ZNF407: variants seen among roughly 807,000 people sequenced by gnomAD.
ZNF407 encodes zinc finger protein 407.
In ZNF407, 17 loss-of-function variants were observed where a neutral mutation model predicts 131.2. That is an observed-to-expected ratio of 0.13 (90% confidence interval 0.09 to 0.19). The LOEUF (loss-of-function observed/expected upper bound fraction) is 0.19. ZNF407 is among the 10% of genes least tolerant of loss of function. The pLI is 1.00. For synonymous variants in ZNF407, 1,156 were observed against 1,062.0 expected (o/e 1.09, Z -1.72); for missense variants, 2,681 against 2,830.6 (o/e 0.95, Z 1.20).
intron 3 of ZNF407, among the ~76,000 whole-genome samples, chr18:74,656,811 C>T (rs935304948): frequency 1.6e-4 from 25 of 152,136 alleles, no homozygotes; most frequent in African/African-American, 5.8e-4. Context: ...GATTTTTATA[C>T]TTTGATATTT....
chr18:74,761,996 G>A (rs1042306867), intron 3 of ZNF407, among the ~76,000 whole-genome samples: 41 of 152,180 alleles, frequency 2.7e-4, no homozygotes, highest in East Asian at 5.8e-4. Flanking sequence ...AGTTATAGTC[G>A]TAGAAGGGAA....
At chr18:74,780,882 G>C (rs1245585702) in intron 3 of ZNF407, among the ~76,000 whole-genome samples, 1 of 151,894 alleles carries the variant, frequency 6.6e-6, no homozygotes, top group Admixed American at 6.5e-5. Context: ...CTTTTTGTTT[G>C]TTTTTGTTAT....
intron 3 of ZNF407, among the ~76,000 whole-genome samples, chr18:74,750,520 C>G (rs1220590530): frequency 1.3e-4 from 20 of 152,114 alleles, no homozygotes; most frequent in Admixed American, 1.3e-3. Context: ...TTTCATGATT[C>G]ATTCATGTCA....
intron 3 of ZNF407, among the ~76,000 whole-genome samples, chr18:74,664,476 C>T (rs927874135): frequency 1.4e-4 from 21 of 152,238 alleles, no homozygotes; most frequent in African/African-American, 4.1e-4. Flanking sequence ...GCCTGGGCGA[C>T]GGAGTGAGAC....
chr18:74,920,368 T>C, intron 7 of ZNF407, 146 bp from the exon 8 acceptor site: 2 of 573,032 alleles, frequency 3.5e-6, no homozygotes, highest in Non-Finnish European at 5.3e-6. Context: ...ATAAGGCTGA[T>C]GTATTATATA....
At chr18:74,977,623 A>T (rs1354184448) in intron 8 of ZNF407, among the ~76,000 whole-genome samples, 1 of 152,254 alleles carries the variant, frequency 6.6e-6, no homozygotes, top group Admixed American at 6.5e-5. Context: ...TAGATGTCTC[A>T]CATCTTGGCA....
intron 8 of ZNF407, among the ~76,000 whole-genome samples, chr18:75,032,213 T>C (rs1389533398): frequency 6.6e-6 from 1 of 152,326 alleles, no homozygotes; most frequent in East Asian, 1.9e-4. Context: ...ATGTGTCACC[T>C]GATGCACAAT....
intron 8 of ZNF407, among the ~76,000 whole-genome samples, chr18:75,043,748 C>G (rs1315600328): frequency 2.0e-5 from 3 of 152,198 alleles, no homozygotes; most frequent in Non-Finnish European, 2.9e-5. Flanking sequence ...CAAGTTGACC[C>G]TGTGGCTTTA....
intron 8 of ZNF407, among the ~76,000 whole-genome samples, chr18:74,988,327 T>G (rs966164451): frequency 6.6e-6 from 1 of 152,134 alleles, no homozygotes; most frequent in Admixed American, 6.5e-5. Flanking sequence ...GAGAAAATTT[T>G]TCTGACTTTG....
intron 8 of ZNF407, among the ~76,000 whole-genome samples, chr18:74,958,272 G>A (rs910804446): frequency 6.6e-6 from 1 of 152,166 alleles, no homozygotes; most frequent in African/African-American, 2.4e-5. Context: ...TACTGAGTGT[G>A]GGTTAGGGAT....
chr18:74,641,224 T>C (rs551284001), intron 3 of ZNF407, 102 bp downstream of exon 3: 1 of 811,398 alleles, frequency 1.2e-6, no homozygotes, highest in Admixed American at 2.0e-5. Context: ...GTGGCTAAAA[T>C]TATGCATGCG....
At chr18:74,976,468 T>C (rs1972530037) in intron 8 of ZNF407, among the ~76,000 whole-genome samples, 1 of 152,208 alleles carries the variant, frequency 6.6e-6, no homozygotes, top group South Asian at 2.1e-4. Flanking sequence ...TGTAATTCAA[T>C]AGAGCTGGGC....
chr18:74,706,421 T>C (rs1466917857), intron 3 of ZNF407, among the ~76,000 whole-genome samples: 1 of 152,248 alleles, frequency 6.6e-6, no homozygotes, highest in African/African-American at 2.4e-5. Context: ...GTGGGTGGGA[T>C]GATCCATGTT....
At chr18:74,710,131 TG>T (rs1472568514) in intron 3 of ZNF407, among the ~76,000 whole-genome samples, 1 of 152,230 alleles carries the variant, frequency 6.6e-6, no homozygotes, top group Non-Finnish European at 1.5e-5. Context: ...CGGTTTTGAA[TG>T]ATGGCAGATA....
chr18:74,617,669 G>A (rs2144633337), intron 1 of ZNF407, among the ~76,000 whole-genome samples: 1 of 152,252 alleles, frequency 6.6e-6, no homozygotes, highest in Admixed American at 6.5e-5. Flanking sequence ...TTCTCAGGGG[G>A]TCACGTCTGG....
At chr18:74,722,586 T>G (rs1448587293) in intron 3 of ZNF407, among the ~76,000 whole-genome samples, 1 of 152,192 alleles carries the variant, frequency 6.6e-6, no homozygotes, top group Non-Finnish European at 1.5e-5. Flanking sequence ...CTCCAGTTTT[T>G]TGTTTCAGTC....
chr18:74,822,193 A>T (rs1221702203), intron 4 of ZNF407, among the ~76,000 whole-genome samples: 2 of 152,002 alleles, frequency 1.3e-5, no homozygotes, highest in African/African-American at 4.8e-5. Context: ...AGATTGCAAA[A>T]TTTTTCTCCC....
rs559002917 is a variant in ZNF407 at position 74,786,603 on chromosome 18, TC to T, written c.4877+5103del. 3.2e-4 allele frequency among the ~76,000 whole-genome samples: 48 copies of T among 152,138 alleles called. No homozygotes were observed. The South Asian group carries it at 9.7e-3, about 31-fold the overall frequency. ...AGTGGAGGAAAACATGTCAGTTCTTTCCATTCTGGGTTGCTTATTTTGTTGC... is the reference window on the plus strand; with the variant it reads ...AGTGGAGGAAAACATGTCAGTTCTTTCATTCTGGGTTGCTTATTTTGTTGC... On this transcript the variant is annotated intron_variant, in intron 4 of 8. Coordinates refer to ENST00000299687, the MANE Select transcript of ZNF407 (RefSeq NM_017757.3).
At chr18:74,991,785 T>C (rs1342544151) in intron 8 of ZNF407, among the ~76,000 whole-genome samples, 1 of 152,190 alleles carries the variant, frequency 6.6e-6, no homozygotes, top group East Asian at 1.9e-4. Flanking sequence ...CTCAGATGTA[T>C]CCCAGACTCA....
Sources: allele counts gnomAD v4.1 joint callset (sites outside exome capture counted in the v4.1 genomes callset), GRCh38; gene constraint gnomAD v4.1.1; transcripts MANE v1.5; gene names NCBI Gene and HGNC (gene_info 2026-07-23, HGNC 2026-07-21).